SRP14: variants seen among roughly 807,000 people sequenced by gnomAD.
SRP14 encodes the protein signal recognition particle 14 kDa protein.
Under a neutral mutation model 16.0 loss-of-function variants are expected in SRP14, and 1 was observed. That is an observed-to-expected ratio of 0.06 (90% CI 0.02 to 0.30). SRP14 has a LOEUF of 0.30. SRP14 is among the 10% of genes least tolerant of loss of function. SRP14 has a pLI of 1.00. For synonymous variants in SRP14, 67 were observed against 60.1 expected (o/e 1.12, Z -0.53); for missense variants, 120 against 163.1 (o/e 0.74, Z 1.44).
At chr15:40,037,293 A>AAAAAAAAAAAAAAC in intron 3 of SRP14, 1 of 1,355,272 alleles carries the variant, frequency 7.4e-7, no homozygotes, top group Non-Finnish European at 9.5e-7. Flanking sequence ...AAAAAAAAAA[A>AAAAAAAAAAAAAAC]AGCTTTGTTT....
Position 40,038,925 on chromosome 15 carries a change from A to T in SRP14, c.48T>A (p.Leu16=), listed in dbSNP as rs188120352. The T allele has an allele frequency of 4.3e-5, 70 of 1,612,926 alleles. No homozygotes were observed. In the African/African-American group the frequency reaches 7.9e-4, roughly 18 times the overall value. Residue 16 remains leucine, a synonymous_variant, in exon 2 of 5, where the codon CTT becomes CTA. Coordinates refer to ENST00000267884, the MANE Select transcript of SRP14 (RefSeq NM_003134.6). ...TGCCCGACGTCCGGCACTTCTGGAA[A>T]AGTCTGGTCAGCTCCGTCAGGAACT... is the stretch of plus-strand genomic sequence containing the variant. ...SEQFLTELTR[L]FQKCRTSGSV...
rs539496256 is a variant in SRP14 at position 40,036,907 on chromosome 15, G to A, written c.243+79C>T. ...TATCTCCGGAGAGCAGTGAACCCAAGTATCAATCTTACCCAGTGTTCACTA... is the reference window on the plus strand; with the variant it reads ...TATCTCCGGAGAGCAGTGAACCCAAATATCAATCTTACCCAGTGTTCACTA... On this transcript the variant is annotated intron_variant, in intron 4 of 4. Transcript: ENST00000267884. The A allele has an allele frequency of 3.8e-4, 581 of 1,511,608 alleles. 8 individuals carry two copies. In the South Asian group the frequency reaches 6.1e-3, roughly 16 times the overall value. 93.6% of individuals were successfully genotyped at this position (1,511,608 alleles called of 1,614,324 possible).
Position 40,036,687 on chromosome 15 carries a change from C to G in SRP14, c.244-187G>C, listed in dbSNP as rs547199931. On this transcript the variant is annotated intron_variant, in intron 4 of 4. Coordinates refer to ENST00000267884, the MANE Select transcript of SRP14 (RefSeq NM_003134.6). ...ACATTATAGCAGCTTCTGCAACACCCACAGACAGTTGCACACATTTTTTAC... is the reference window on the plus strand; with the variant it reads ...ACATTATAGCAGCTTCTGCAACACCGACAGACAGTTGCACACATTTTTTAC... The G allele has an allele frequency of 1.3e-4, 95 of 705,822 alleles. 1 individual carries two copies. The South Asian group carries it at 1.7e-3, about 13-fold the overall frequency. 43.7% of individuals were successfully genotyped at this position (705,822 alleles called of 1,614,324 possible). A position where few individuals can be genotyped will look rare whatever the true frequency, so the allele number is the denominator to read the frequency against.
chr15:40,036,542 A>G (rs750482941), intron 4 of SRP14, 42 bp from the exon 5 acceptor site: 2 of 1,588,326 alleles, frequency 1.3e-6, no homozygotes, highest in Non-Finnish European at 1.7e-6. Context: ...GAAGATGTGC[A>G]AACTGGCAGA....
upstream of SRP14, chr15:40,039,182 A>G (rs2035682849): frequency 6.4e-7 from 1 of 1,567,610 alleles, no homozygotes; most frequent in African/African-American, 1.4e-5. Context: ...AGTTCGGCCT[A>G]GGCTGGGCGG....
Position 40,036,394 on chromosome 15 carries a change from G to A in SRP14, c.350C>T (p.Pro117Leu). ...TGTTGGTGCTGTTGCTGCTGCGGCAGGTGCTGCTGCTGCTGCTGCTGCTGC... is the reference window on the plus strand; with the variant it reads ...TGTTGGTGCTGTTGCTGCTGCGGCAAGTGCTGCTGCTGCTGCTGCTGCTGC... ...KAAAAAAAAA[P>L]AAAATAPTTA... is the part of the protein sequence containing the mutation. The change falls in exon 5 of 5, where the codon CCT becomes CTT. Residue 117 changes from proline to leucine, a missense_variant. By Grantham distance (98) the Pro-to-Leu change is moderately conservative (BLOSUM62 -3). Around this residue, in one of 3 missense-constraint regions of SRP14, gnomAD observed 43 missense variants for 37.0 expected, o/e 1.16. Coordinates refer to ENST00000267884, the MANE Select transcript of SRP14 (RefSeq NM_003134.6). The A allele has an allele frequency of 3.1e-6, 5 of 1,611,802 alleles. No homozygotes were observed. The highest frequency in any genetic ancestry group is 4.2e-6 in the Non-Finnish European group (5 of 1,179,668).
chr15:40,038,913 G>C lies in SRP14; in HGVS notation c.60C>G (p.Cys20Trp). ...TGATATAGACGCTGCCCGACGTCCG[G>C]CACTTCTGGAAAAGTCTGGTCAGCT... The part of the protein sequence containing the change: ...LTELTRLFQK[C>W]RTSGSVYITL... The change falls in exon 2 of 5, where the codon TGC becomes TGG. Residue 20 changes from cysteine (C) to tryptophan (W), a missense_variant. Cys to Trp is a radical substitution (Grantham distance 215). Transcript: ENST00000267884. 1 of 1,613,560 alleles carries C rather than the reference G, an allele frequency of 6.2e-7. No homozygotes were observed. The highest frequency in any genetic ancestry group is 1.1e-5 in the South Asian group (1 of 91,014).
At position 40,038,856 on chromosome 15, in the gene SRP14, G is replaced by C; in HGVS notation, c.97+20C>G. On this transcript the variant is annotated intron_variant, in intron 2 of 4. Coordinates refer to ENST00000267884, the MANE Select transcript of SRP14 (RefSeq NM_003134.6). Reference sequence around the variant, plus strand: ...CCGGGAACCCAGGGAGCATCGCCCGGCTCCCCTCCCGCTGCTTACACTTCT... The same window carrying C: ...CCGGGAACCCAGGGAGCATCGCCCGCCTCCCCTCCCGCTGCTTACACTTCT... 1.2e-6 allele frequency: 2 copies of C among 1,612,682 alleles called. No homozygotes were observed. Among genetic ancestry groups the C allele is most frequent in the Non-Finnish European group, 1.7e-6 (2 of 1,179,406 alleles).
chr15:40,038,828 A>G (rs2035673195), intron 2 of SRP14, 48 bp downstream of exon 2: 1 of 1,590,764 alleles, frequency 6.3e-7, no homozygotes, highest in East Asian at 2.2e-5. Context: ...TGGCTCCCAG[A>G]CACCGGGAAC....
rs756401480 is a variant in SRP14 at position 40,039,156 on chromosome 15, A to G, written c.-40T>C. The G allele has an allele frequency of 1.3e-6, 2 of 1,598,360 alleles. No homozygotes were observed. The highest frequency in any genetic ancestry group is 2.3e-5 in the South Asian group (2 of 88,888). ...CTCGACTCCCTCCGCTTAAGCCCCT[A>G]GCAGTGAGAGCCGGAAGTTCGGCCT... On this transcript the variant is annotated 5_prime_UTR_variant, in exon 1 of 5. Transcript: ENST00000267884.
At chr15:40,037,870 T>C (rs2035654759) in intron 3 of SRP14, among the ~76,000 whole-genome samples, 1 of 149,318 alleles carries the variant, frequency 6.7e-6, no homozygotes, top group African/African-American at 2.4e-5. Flanking sequence ...AAATGTATAT[T>C]TTCTCAAGTG....
rs1421558668 is a variant in SRP14, at chr15:40,039,101, T to C, written c.16A>G (p.Ser6Gly). 6.2e-7 allele frequency: 1 copy of C among 1,612,770 alleles called. No homozygotes were observed. Among genetic ancestry groups the C allele is most frequent in the East Asian group, 2.2e-5 (1 of 44,842 alleles). ...GCCAGGCCTAGCCATACCTGCTCGCTCTCCAACAACACCATCGCGGCGACG... is the reference window on the plus strand; with the variant it reads ...GCCAGGCCTAGCCATACCTGCTCGCCCTCCAACAACACCATCGCGGCGACG... MVLLE[S>G]EQFLTELTRL... Residue 6 changes from serine to glycine, a missense_variant, in exon 1 of 5, where the codon AGC becomes GGC. This residue lies in a region of SRP14 where 33 missense variants were observed against 33.0 expected (regional missense o/e 1.00). Transcript: ENST00000267884.
chr15:40,038,830 A>C (rs1595446376), intron 2 of SRP14, 46 bp downstream of exon 2: 1 of 1,598,450 alleles, frequency 6.3e-7, no homozygotes, highest in Non-Finnish European at 8.6e-7. Context: ...GCTCCCAGAC[A>C]CCGGGAACCC....
At chr15:40,036,542 A>C (rs750482941) in intron 4 of SRP14, 42 bp from the exon 5 acceptor site, 1 of 1,588,444 alleles carries the variant, frequency 6.3e-7, no homozygotes, top group East Asian at 2.2e-5. Flanking sequence ...GAAGATGTGC[A>C]AACTGGCAGA....
Position 40,036,375 on chromosome 15 carries a change from T to C in SRP14, c.369A>G (p.Ala123=), listed in dbSNP as rs376432051. Residue 123 remains alanine, a synonymous_variant, in exon 5 of 5, where the codon GCA becomes GCG. Transcript: ENST00000267884. ...AAAAPAAAAT[A]PTTAATTAAT... The stretch of plus-strand genomic sequence containing the variant: ...CTGCTGTTGTTGCTGCTGTTGTTGG[T>C]GCTGTTGCTGCTGCGGCAGGTGCTG... 64 of 1,611,460 alleles carry C rather than the reference T, an allele frequency of 4.0e-5. No homozygotes were observed. In the African/African-American group the frequency reaches 7.9e-4, roughly 20 times the overall value.
At chr15:40,038,158 G>A in intron 3 of SRP14, 124 bp downstream of exon 3, 1 of 728,932 alleles carries the variant, frequency 1.4e-6, no homozygotes, top group Non-Finnish European at 2.4e-6. Context: ...GAAGGTCCTG[G>A]TCTCAAAAAT....
At chr15:40,036,883 A>G (rs2035632011) in intron 4 of SRP14, 103 bp downstream of exon 4, 3 of 1,316,242 alleles carry the variant, frequency 2.3e-6, no homozygotes, top group Non-Finnish European at 3.3e-6. Context: ...GGTAAAACTT[A>G]TCTCCGGAGA....
chr15:40,038,842 G>C, intron 2 of SRP14, 34 bp downstream of exon 2: 2 of 1,610,478 alleles, frequency 1.2e-6, no homozygotes, highest in Non-Finnish European at 8.5e-7. Flanking sequence ...CGGGAACCCA[G>C]GGAGCATCGC....
chr15:40,038,359 T>C lies in SRP14; in HGVS notation c.133A>G (p.Thr45Ala), dbSNP rs760851293. 3.1e-6 allele frequency: 5 copies of C among 1,614,030 alleles called. No individual in the cohort carries two copies. Among genetic ancestry groups the C allele is most frequent in the Admixed American group, 3.3e-5 (2 of 60,028 alleles). The change falls in exon 3 of 5, where the codon ACT becomes GCT. Residue 45 changes from threonine (T) to alanine (A), a missense_variant. By Grantham distance (58) the Thr-to-Ala change is moderately conservative. Around this residue, in one of 3 missense-constraint regions of SRP14, gnomAD observed 44 missense variants for 93.1 expected, o/e 0.47. Transcript: ENST00000267884. ...GRTKPIPKKG[T>A]VEGFEPADNK... ...TCTGCGGGCTCAAAGCCCTCCACAG[T>C]ACCCTTCTTTGGAATGGGTTTGGTT...
Sources: gnomAD v4.1 joint callset for allele counts (sites outside exome capture counted in the v4.1 genomes callset) on GRCh38, gnomAD v4.1.1 for gene constraint, gnomAD v4.1.1 regional missense constraint, MANE v1.5 for transcripts, NCBI Gene and HGNC (gene_info 2026-07-23, HGNC 2026-07-21) for gene names.